The following NDRG1 variants were observed in gnomAD, a reference collection of about 807,000 sequenced individuals.
The protein encoded by NDRG1 is N-myc downstream regulated 1.
Under a neutral mutation model 56.9 loss-of-function variants are expected in NDRG1, and 32 were observed. That is an observed-to-expected ratio of 0.56 (90% CI 0.42 to 0.76). NDRG1 has a LOEUF of 0.76. NDRG1 is among the 30% of genes least tolerant of loss of function. The probability of loss-of-function intolerance (pLI) is 0.00; values close to 1 mark genes in which losing one functional copy is unlikely to be tolerated. For synonymous variants in NDRG1, 211 were observed against 204.1 expected (o/e 1.03, Z -0.29); for missense variants, 507 against 545.7 (o/e 0.93, Z 0.71).
At chr8:133,284,129 T>C (rs1181327184) in intron 2 of NDRG1, 120 bp downstream of exon 2, 4 of 876,440 alleles carry the variant, frequency 4.6e-6, no homozygotes, top group African/African-American at 1.6e-5. Context: ...GTATGCTGTA[T>C]ACATGTGTAT....
At chr8:133,250,943 T>G (rs933159394) in intron 9 of NDRG1, among the ~76,000 whole-genome samples, 13 of 148,914 alleles carry the variant, frequency 8.7e-5, no homozygotes, top group Admixed American at 2.0e-4. Context: ...AGAGAGAGAA[T>G]GTTGCCTACT....
intron 7 of NDRG1, among the ~76,000 whole-genome samples, chr8:133,257,347 A>G (rs1856438605): frequency 1.3e-5 from 2 of 152,060 alleles, no homozygotes; most frequent in Admixed American, 1.3e-4. Context: ...GCATCGCTGA[A>G]TAACAGGGAT....
intron 3 of NDRG1, among the ~76,000 whole-genome samples, chr8:133,277,562 G>A (rs1279639098): frequency 2.6e-5 from 4 of 152,160 alleles, no homozygotes; most frequent in Non-Finnish European, 5.9e-5. Context: ...GCAAGACTCT[G>A]TCTAAACAGA....
intron 4 of NDRG1, among the ~76,000 whole-genome samples, chr8:133,264,109 T>C (rs1484935108): frequency 6.6e-6 from 1 of 151,958 alleles, no homozygotes; most frequent in Non-Finnish European, 1.5e-5. Context: ...TTTGATTCAA[T>C]GTATACAAAA....
intron 4 of NDRG1, among the ~76,000 whole-genome samples, chr8:133,263,867 G>A (rs1474827760): frequency 1.4e-5 from 2 of 144,004 alleles, no homozygotes; most frequent in Non-Finnish European, 3.0e-5. Flanking sequence ...AGTGAGCCAC[G>A]ATCGCACCAC....
chr8:133,240,582 CA>C (rs1855322735), intron 15 of NDRG1: 1 of 152,254 alleles, frequency 6.6e-6, no homozygotes, highest in Admixed American at 6.5e-5. Flanking sequence ...ATCAAGCCAG[CA>C]CCCCGTGGTG....
chr8:133,255,729 G>A (rs1324688104), intron 8 of NDRG1: 1 of 181,832 alleles, frequency 5.5e-6, no homozygotes, highest in African/African-American at 2.4e-5. Flanking sequence ...TGGGGCAAGA[G>A]GCAGGGCCCC....
At chr8:133,242,194 C>T (rs1171312941) in intron 14 of NDRG1, 120 bp from the exon 15 acceptor site, 1 of 967,676 alleles carries the variant, frequency 1.0e-6, no homozygotes, top group Non-Finnish European at 1.7e-6. Context: ...CAAAAGCCAT[C>T]ACGTGTTGAC....
At chr8:133,285,081 C>G (rs1858033675) in intron 1 of NDRG1, among the ~76,000 whole-genome samples, 1 of 152,144 alleles carries the variant, frequency 6.6e-6, no homozygotes, top group Non-Finnish European at 1.5e-5. Flanking sequence ...GTGTGGGCTG[C>G]AAAACCAGAC....
chr8:133,279,522 G>C (rs898730536), intron 3 of NDRG1, among the ~76,000 whole-genome samples: 6 of 152,214 alleles, frequency 3.9e-5, no homozygotes, highest in African/African-American at 1.4e-4. Flanking sequence ...AGCGGTTCAG[G>C]TGAGAACACC....
At chr8:133,272,849 C>T (rs925141912) in intron 3 of NDRG1, among the ~76,000 whole-genome samples, 4 of 152,194 alleles carry the variant, frequency 2.6e-5, no homozygotes, top group Admixed American at 6.5e-5. Flanking sequence ...TGTCTGAGTT[C>T]TGCCCACCTT....
chr8:133,293,479 C>T (rs1858546041), intron 1 of NDRG1, among the ~76,000 whole-genome samples: 1 of 152,184 alleles, frequency 6.6e-6, no homozygotes, highest in South Asian at 2.1e-4. Flanking sequence ...GAGTCACCAG[C>T]CTGAGCCTCA....
chr8:133,243,927 G>GACATGTGTACACATGCACACAC (rs1296056019), intron 14 of NDRG1, among the ~76,000 whole-genome samples: 1 of 151,742 alleles, frequency 6.6e-6, no homozygotes, highest in Admixed American at 6.6e-5. Context: ...CATGCACACA[G>GACATGTGTACACATGCACACAC]ACATGTGTAC....
At chr8:133,272,826 A>G (rs527934506) in intron 3 of NDRG1, among the ~76,000 whole-genome samples, 9 of 152,134 alleles carry the variant, frequency 5.9e-5, no homozygotes, top group Non-Finnish European at 1.0e-4. Context: ...TGAGTTTAGG[A>G]TTTCCAGGCT....
chr8:133,238,996 G>C lies in NDRG1; in HGVS notation c.1067C>G (p.Thr356Ser). ...TSEGTRSRSHTSEGTRSRSHT... is the reference protein window; with the variant it reads ...TSEGTRSRSHSSEGTRSRSHT... ...CGAGCGGCTGCGGGTGCCCTCGCTG[G>C]TGTGGGAGCGGCTTCGGGTGCCCTC... The change falls in exon 16 of 16, where the codon ACC (threonine) becomes AGC (serine). Residue 356 changes from threonine to serine, a missense_variant. Coordinates refer to ENST00000323851, the MANE Select transcript of NDRG1 (RefSeq NM_006096.4). 2 of 1,596,518 alleles carry C rather than the reference G, an allele frequency of 1.3e-6. No individual in the cohort carries two copies. The highest frequency in any genetic ancestry group is 8.5e-7 in the Non-Finnish European group (1 of 1,172,938).
At chr8:133,262,306 CGTTTTTT>C (rs1856700708) in intron 4 of NDRG1, 139 bp from the exon 5 acceptor site, 1 of 1,178,334 alleles carries the variant, frequency 8.5e-7, no homozygotes, top group Non-Finnish European at 1.2e-6. Context: ...CAGATGTTGG[CGTTTTTT>C]GTTTTTTGGT....
At chr8:133,284,531 C>T (rs1341057760) in intron 1 of NDRG1, among the ~76,000 whole-genome samples, 1 of 152,186 alleles carries the variant, frequency 6.6e-6, no homozygotes, top group African/African-American at 2.4e-5. Flanking sequence ...TTGGGGCCAG[C>T]GCAGTGGATT....
At chr8:133,289,430 G>A (rs1431887254) in intron 1 of NDRG1, among the ~76,000 whole-genome samples, 1 of 152,160 alleles carries the variant, frequency 6.6e-6, no homozygotes, top group Admixed American at 6.5e-5. Flanking sequence ...GTCCCAGCGA[G>A]GAGAGGGACA....
intron 3 of NDRG1, among the ~76,000 whole-genome samples, chr8:133,278,134 G>A (rs563449569): frequency 6.6e-6 from 1 of 152,224 alleles, no homozygotes; most frequent in Admixed American, 6.5e-5. Flanking sequence ...GGGGTGGCCC[G>A]GCCCATCCCT....
Sources: gnomAD v4.1 joint callset for allele counts (sites outside exome capture counted in the v4.1 genomes callset) on GRCh38, gnomAD v4.1.1 for gene constraint, MANE v1.5 for transcripts, NCBI Gene and HGNC (gene_info 2026-07-23, HGNC 2026-07-21) for gene names.